The following LMX1A variants were observed in gnomAD, a reference collection of about 807,000 sequenced individuals.
The protein encoded by LMX1A is LIM homeobox transcription factor 1 alpha, also known as LIM homeobox transcription factor 1-alpha.
Under a neutral mutation model 49.1 loss-of-function variants are expected in LMX1A, and 15 were observed. That is an observed-to-expected ratio of 0.31 (90% confidence interval 0.20 to 0.47). The LOEUF (loss-of-function observed/expected upper bound fraction) is 0.47, where lower values mean the gene tolerates loss of function less well. Among genes scored for constraint, LMX1A ranks in the 20% least tolerant of loss-of-function variants. LMX1A has a pLI of 1.00. For missense variants in LMX1A, 372 were observed against 475.8 expected, an observed-to-expected ratio of 0.78 and a Z score of 2.03; for synonymous variants, 167 against 185.7, an observed-to-expected ratio of 0.90 and a Z score of 0.82.
intron 5 of LMX1A, chr1:165,211,270 C>G (rs1185809971): frequency 6.6e-6 from 1 of 152,284 alleles, no homozygotes; most frequent in Non-Finnish European, 1.5e-5. Context: ...TCCATAGTGA[C>G]TGCTACCCCA....
chr1:165,296,114 C>A (rs181082819), intron 3 of LMX1A, among the ~76,000 whole-genome samples: 1 of 152,320 alleles, frequency 6.6e-6, no homozygotes, highest in Non-Finnish European at 1.5e-5. Context: ...CAACATATCT[C>A]CCCTCCTTCG....
chr1:165,341,088 T>C (rs1276419865), intron 3 of LMX1A, among the ~76,000 whole-genome samples: 3 of 152,186 alleles, frequency 2.0e-5, no homozygotes, highest in Admixed American at 6.5e-5. Flanking sequence ...AAAATAAATA[T>C]GGCCACAATA....
At chr1:165,336,249 T>C (rs1047518945) in intron 3 of LMX1A, among the ~76,000 whole-genome samples, 17 of 152,176 alleles carry the variant, frequency 1.1e-4, no homozygotes, top group Non-Finnish European at 5.9e-5. Flanking sequence ...TGTCCTTCCT[T>C]CTCACAGTGT....
At chr1:165,219,960 G>A (rs548883787) in intron 4 of LMX1A, among the ~76,000 whole-genome samples, 6 of 152,336 alleles carry the variant, frequency 3.9e-5, no homozygotes, top group Admixed American at 2.6e-4. Context: ...TGTCACCTGA[G>A]CTGAAAATGA....
chr1:165,322,877 T>C (rs1042053816), intron 3 of LMX1A, among the ~76,000 whole-genome samples: 4 of 152,222 alleles, frequency 2.6e-5, no homozygotes, highest in South Asian at 4.1e-4. Flanking sequence ...TGAAAGCACT[T>C]CTTCAATTAT....
chr1:165,353,167 G>T lies in LMX1A; in HGVS notation c.172C>A (p.Gln58Lys), dbSNP rs754289263. ...LRLNDSFWHE[Q>K]CVQCASCKEP... Reference sequence around the variant, plus strand: ...TTGCAGGAGGCGCACTGCACGCACTGCTCATGCCAGAAGCTGTCGTTGAGC... The same window carrying T: ...TTGCAGGAGGCGCACTGCACGCACTTCTCATGCCAGAAGCTGTCGTTGAGC... The change falls in exon 3 of 9, where the codon CAG becomes AAG. Residue 58 changes from glutamine to lysine, a missense_variant. Coordinates refer to ENST00000342310, the MANE Select transcript of LMX1A (RefSeq NM_177398.4). 1.9e-6 allele frequency: 3 copies of T among 1,614,156 alleles called. No homozygotes were observed. Among genetic ancestry groups the T allele is most frequent in the Non-Finnish European group, 2.5e-6 (3 of 1,180,024 alleles).
At chr1:165,308,797 G>A (rs1195588331) in intron 3 of LMX1A, among the ~76,000 whole-genome samples, 1 of 152,080 alleles carries the variant, frequency 6.6e-6, no homozygotes, top group Middle Eastern at 3.2e-3. Flanking sequence ...CAGAATCTGT[G>A]CCAGTGCATC....
intron 3 of LMX1A, among the ~76,000 whole-genome samples, chr1:165,303,909 G>A (rs906066279): frequency 2.0e-5 from 3 of 152,060 alleles, no homozygotes; most frequent in African/African-American, 7.2e-5. Context: ...ATTATATCTA[G>A]TATATGGGTG....
chr1:165,212,752 A>C (rs1651464607), intron 5 of LMX1A: 1 of 152,184 alleles, frequency 6.6e-6, no homozygotes, highest in Non-Finnish European at 1.5e-5. Context: ...CCCAATATCT[A>C]TTCTTTCTTC....
chr1:165,252,238 T>G (rs1415805522), intron 3 of LMX1A, among the ~76,000 whole-genome samples: 1 of 152,204 alleles, frequency 6.6e-6, no homozygotes, highest in Non-Finnish European at 1.5e-5. Flanking sequence ...TGGATCTAAT[T>G]TGTTCACCCT....
At chr1:165,270,424 G>A (rs1387972820) in intron 3 of LMX1A, among the ~76,000 whole-genome samples, 1 of 152,156 alleles carries the variant, frequency 6.6e-6, no homozygotes, top group Non-Finnish European at 1.5e-5. Flanking sequence ...GTATTCTCCA[G>A]GGAAATGATA....
chr1:165,339,596 G>A (rs923330502), intron 3 of LMX1A, among the ~76,000 whole-genome samples: 28 of 152,314 alleles, frequency 1.8e-4, no homozygotes, highest in African/African-American at 6.3e-4. Flanking sequence ...ACCCAGGAAC[G>A]CATTGGCAAA....
intron 3 of LMX1A, among the ~76,000 whole-genome samples, chr1:165,270,053 A>G (rs1274101691): frequency 6.6e-6 from 1 of 152,168 alleles, no homozygotes; most frequent in Non-Finnish European, 1.5e-5. Context: ...CTTAAAAAAA[A>G]TATATTAAAA....
intron 4 of LMX1A, among the ~76,000 whole-genome samples, chr1:165,247,110 T>A (rs1198594584): frequency 1.6e-5 from 2 of 126,134 alleles, no homozygotes; most frequent in African/African-American, 5.9e-5. Flanking sequence ...GCCAATCCAC[T>A]AATGCCTCTT....
chr1:165,343,134 C>G (rs1421990330), intron 3 of LMX1A, among the ~76,000 whole-genome samples: 3 of 152,072 alleles, frequency 2.0e-5, no homozygotes, highest in African/African-American at 7.2e-5. Context: ...TTTCTATGAG[C>G]CAAGCATTGA....
At chr1:165,302,961 T>C (rs1654820333) in intron 3 of LMX1A, among the ~76,000 whole-genome samples, 1 of 152,246 alleles carries the variant, frequency 6.6e-6, no homozygotes, top group South Asian at 2.1e-4. Flanking sequence ...GGAACACTTC[T>C]TGCTCCACAC....
At chr1:165,316,912 CAT>C (rs1357188780) in intron 3 of LMX1A, among the ~76,000 whole-genome samples, 1 of 152,130 alleles carries the variant, frequency 6.6e-6, no homozygotes. Flanking sequence ...CCCTTTGAGA[CAT>C]GTACATTTTC....
At chr1:165,216,035 C>G (rs1164093421) in intron 4 of LMX1A, 3 of 152,024 alleles carry the variant, frequency 2.0e-5, no homozygotes, top group African/African-American at 7.2e-5. Flanking sequence ...CAAATAAAAC[C>G]CCCCACAAGA....
At chr1:165,317,975 G>A (rs1437922234) in intron 3 of LMX1A, among the ~76,000 whole-genome samples, 1 of 152,232 alleles carries the variant, frequency 6.6e-6, no homozygotes, top group African/African-American at 2.4e-5. Flanking sequence ...CCCAAGGCAG[G>A]GAAGGGAAGC....
Sources: allele counts gnomAD v4.1 joint callset (sites outside exome capture counted in the v4.1 genomes callset), GRCh38; gene constraint gnomAD v4.1.1; transcripts MANE v1.5; gene names NCBI Gene and HGNC (gene_info 2026-07-23, HGNC 2026-07-21).